UPP2: variants seen among roughly 807,000 people sequenced by gnomAD.
UPP2 encodes the protein UPase 2.
Under a neutral mutation model 26.7 loss-of-function variants are expected in UPP2, and 23 were observed. That is an observed-to-expected ratio of 0.86 (90% CI 0.62 to 1.22). The LOEUF (loss-of-function observed/expected upper bound fraction) is 1.22, where lower values mean the gene tolerates loss of function less well. Ranked by LOEUF, UPP2 falls within the 50% of genes most tolerant of loss-of-function variation. The pLI, the probability that UPP2 is intolerant of heterozygous loss-of-function variation, is 0.00. For synonymous variants in UPP2, 127 were observed against 141.3 expected (o/e 0.90, Z 0.72); for missense variants, 387 against 396.7 (o/e 0.98, Z 0.21).
intron 2 of UPP2, among the ~76,000 whole-genome samples, chr2:158,006,677 A>G (rs1683494360): frequency 6.6e-6 from 1 of 152,018 alleles, no homozygotes; most frequent in Non-Finnish European, 1.5e-5. Context: ...AACTTCCAAG[A>G]CTCACTTGTT....
At chr2:158,120,601 G>C (rs1683544475) in intron 4 of UPP2, among the ~76,000 whole-genome samples, 1 of 152,048 alleles carries the variant, frequency 6.6e-6, no homozygotes, top group Non-Finnish European at 1.5e-5. Context: ...AGAGTCTAGG[G>C]CATTTATGAA....
chr2:158,114,975 C>G (rs1011605231), intron 2 of UPP2, 126 bp from the exon 3 acceptor site: 1 of 882,174 alleles, frequency 1.1e-6, no homozygotes, highest in African/African-American at 1.7e-5. Context: ...GGAACATAAA[C>G]CATGACATCT....
At chr2:158,010,763 C>CTTTTTT (rs34328148) in intron 2 of UPP2, among the ~76,000 whole-genome samples, 4 of 82,936 alleles carry the variant, frequency 4.8e-5, no homozygotes, top group Non-Finnish European at 8.7e-5. Context: ...CCCTCTTTTT[C>CTTTTTT]TTTTTTTTTT....
chr2:157,997,069 C>G (rs779391118), intron 2 of UPP2, among the ~76,000 whole-genome samples: 2 of 152,176 alleles, frequency 1.3e-5, no homozygotes, highest in Non-Finnish European at 2.9e-5. Flanking sequence ...TGCAGTTCTT[C>G]CCTATTGTTT....
rs188424349 is a variant in UPP2, at chr2:158,007,019, C to T, written c.62-8782C>T. 2.8e-3 allele frequency among the ~76,000 whole-genome samples: 429 copies of T among 152,284 alleles called. 3 individuals are homozygous for T. Among genetic ancestry groups the T allele is most frequent in the Admixed American group, 0.019 (295 of 15,294 alleles). ...TCCCTTTGCCTTGTTTCCTTTGCCT[C>T]CCTGACTTTGACTCTGTGAGGTACC... On this transcript the variant is annotated intron_variant, in intron 2 of 9. Transcript: ENST00000605860.
chr2:158,018,291 G>A (rs952930172), intron 3 of UPP2, among the ~76,000 whole-genome samples: 1 of 152,216 alleles, frequency 6.6e-6, no homozygotes, highest in Non-Finnish European at 1.5e-5. Context: ...GAATTCAGAA[G>A]TCTTATTAAG....
At chr2:158,085,378 T>C (rs1682795969) in intron 3 of UPP2, among the ~76,000 whole-genome samples, 1 of 152,326 alleles carries the variant, frequency 6.6e-6, no homozygotes, top group Non-Finnish European at 1.5e-5. Flanking sequence ...TGAATTCATT[T>C]ATCAGTTCTA....
chr2:158,123,294 G>C (rs2105228849), intron 5 of UPP2, among the ~76,000 whole-genome samples: 1 of 152,258 alleles, frequency 6.6e-6, no homozygotes. Flanking sequence ...AAGGCATATG[G>C]AGAGGCGCAA....
At chr2:158,047,266 G>T (rs1042470904) in intron 3 of UPP2, among the ~76,000 whole-genome samples, 1 of 152,162 alleles carries the variant, frequency 6.6e-6, no homozygotes, top group Non-Finnish European at 1.5e-5. Context: ...TCATTTAAGG[G>T]GAACCAACTG....
At chr2:158,083,971 G>A (rs1479251772) in intron 3 of UPP2, among the ~76,000 whole-genome samples, 1 of 151,388 alleles carries the variant, frequency 6.6e-6, no homozygotes, top group Non-Finnish European at 1.5e-5. Context: ...CTATAAACGT[G>A]CATGTGTAGG....
At chr2:158,096,486 C>G (rs1040722540) in intron 3 of UPP2, among the ~76,000 whole-genome samples, 3 of 152,160 alleles carry the variant, frequency 2.0e-5, no homozygotes, top group African/African-American at 7.2e-5. Flanking sequence ...GTAATCCCAG[C>G]TACTCAGGAG....
rs140883365 is a variant in UPP2 at position 158,122,048 on chromosome 2, G to A, written c.664+430G>A. Among the ~76,000 whole-genome samples, 225 of 152,060 alleles carry A rather than the reference G, an allele frequency of 1.5e-3. 4 individuals are homozygous for A. The highest frequency in any genetic ancestry group is 5.1e-3 in the African/African-American group (212 of 41,534). On this transcript the variant is annotated intron_variant, in intron 5 of 6. Transcript: ENST00000005756. ...CTTGGGGAGGGGGTACAAATCCCACGGGATGGCATGATCTCAGAGCGGGGT... is the reference window on the plus strand; with the variant it reads ...CTTGGGGAGGGGGTACAAATCCCACAGGATGGCATGATCTCAGAGCGGGGT...
intron 3 of UPP2, among the ~76,000 whole-genome samples, chr2:158,069,134 T>G (rs1394367224): frequency 2.6e-5 from 4 of 152,034 alleles, no homozygotes. Flanking sequence ...GTCCAGAGGC[T>G]AGTCGCCTCT....
intron 3 of UPP2, among the ~76,000 whole-genome samples, chr2:158,063,199 T>C (rs2105180383): frequency 6.6e-6 from 1 of 152,306 alleles, no homozygotes; most frequent in Admixed American, 6.5e-5. Context: ...ACCTGTCCTC[T>C]TTCCCTGCTT....
At chr2:158,097,153 C>A (rs1018512158), upstream of UPP2, among the ~76,000 whole-genome samples, 1 of 152,018 alleles carries the variant, frequency 6.6e-6, no homozygotes, top group Non-Finnish European at 1.5e-5. Context: ...ACAAACTTAG[C>A]ACATAGTAGG....
chr2:158,109,121 T>G (rs1022345519), intron 2 of UPP2, among the ~76,000 whole-genome samples: 1 of 152,016 alleles, frequency 6.6e-6, no homozygotes, highest in Admixed American at 6.6e-5. Flanking sequence ...ATTTCTTGAG[T>G]TCCTTAAATC....
At chr2:157,999,095 A>C (rs1683365928) in intron 2 of UPP2, among the ~76,000 whole-genome samples, 1 of 152,104 alleles carries the variant, frequency 6.6e-6, no homozygotes, top group South Asian at 2.1e-4. Context: ...ATCTACTTTC[A>C]ATCCCATCTA....
intron 3 of UPP2, among the ~76,000 whole-genome samples, chr2:158,094,631 T>C (rs1302654690): frequency 6.6e-6 from 1 of 152,210 alleles, no homozygotes; most frequent in Non-Finnish European, 1.5e-5. Flanking sequence ...CCATAAAACA[T>C]ACTGTTCTCT....
chr2:158,132,283 T>C (rs1683834848), intron 6 of UPP2, among the ~76,000 whole-genome samples: 1 of 152,230 alleles, frequency 6.6e-6, no homozygotes, highest in Admixed American at 6.5e-5. Flanking sequence ...GTCTGACCGA[T>C]GGGTCAGTAT....
Sources: allele counts gnomAD v4.1 joint callset (sites outside exome capture counted in the v4.1 genomes callset), GRCh38; gene constraint gnomAD v4.1.1; transcripts MANE v1.5; gene names NCBI Gene and HGNC (gene_info 2026-07-23, HGNC 2026-07-21).